Variants in MIER1 observed in about 807,000 individuals in gnomAD.
The protein encoded by MIER1 is MIER1 transcriptional regulator, also known as mesoderm induction early response protein 1.
MIER1 carries 40 observed loss-of-function variants against 75.7 expected under a neutral mutation model. The observed-to-expected ratio is 0.53, with a 90% CI of 0.41 to 0.69. The LOEUF (loss-of-function observed/expected upper bound fraction) is 0.69. Among genes scored for constraint, MIER1 ranks in the 30% least tolerant of loss-of-function variants. MIER1 has a pLI of 0.00. For missense variants in MIER1, 574 were observed against 680.2 expected (o/e 0.84, Z 1.74); for synonymous variants, 213 against 223.4 (o/e 0.95, Z 0.42).
intron 2 of MIER1, among the ~76,000 whole-genome samples, chr1:66,936,069 G>T (rs887407206): frequency 6.6e-6 from 1 of 152,058 alleles, no homozygotes; most frequent in African/African-American, 2.4e-5. Flanking sequence ...ATGATCTCCA[G>T]TGTGGTTGAC....
rs1437599028 is a variant in MIER1, at chr1:66,984,946, TA to T, written c.*50del. ...TCTTTGGAGTAAATTCTGGTGTGAC[TA>T]AAATTTTCAGGGTTGATGGGTTACC... On this transcript the variant is annotated 3_prime_UTR_variant, in exon 14 of 14. Transcript: ENST00000401041. 2.0e-6 allele frequency: 3 copies of T among 1,519,018 alleles called. No individual in the cohort carries two copies. The highest frequency in any genetic ancestry group is 2.8e-5 in the African/African-American group (2 of 71,460). The allele number at this position is 1,519,018 out of a possible 1,614,324, so 94.1% of individuals were successfully genotyped here. A position where few individuals can be genotyped will look rare whatever the true frequency, so the allele number is the denominator to read the frequency against.
intron 8 of MIER1, among the ~76,000 whole-genome samples, chr1:66,964,745 C>T (rs570721840): frequency 5.3e-5 from 8 of 152,286 alleles, no homozygotes; most frequent in African/African-American, 1.9e-4. Context: ...AGCCACTGCA[C>T]CTGGCCGTAT....
At chr1:66,947,801 C>A in intron 4 of MIER1, 1 of 401,934 alleles carries the variant, frequency 2.5e-6, no homozygotes, top group Non-Finnish European at 3.4e-6. Flanking sequence ...ACCCATGTAT[C>A]ACACTACCTC....
intron 3 of MIER1, among the ~76,000 whole-genome samples, chr1:66,941,989 A>T (rs1014891157): frequency 6.9e-6 from 1 of 145,390 alleles, no homozygotes; most frequent in Non-Finnish European, 1.5e-5. Context: ...AAAAAAAAAC[A>T]GTCTTTGATA....
chr1:66,977,248 T>G (rs1664902888), intron 12 of MIER1, among the ~76,000 whole-genome samples: 1 of 152,134 alleles, frequency 6.6e-6, no homozygotes, highest in Non-Finnish European at 1.5e-5. Context: ...TAGCTGGGAT[T>G]ACAGGTGCCT....
At chr1:66,936,998 C>CAA (rs751644771) in intron 2 of MIER1, among the ~76,000 whole-genome samples, 558 of 66,678 alleles carry the variant, frequency 8.4e-3, no homozygotes, top group Non-Finnish European at 0.01. Context: ...GACTCCATCT[C>CAA]AAAAAAAAAA....
intron 2 of MIER1, 94 bp from the exon 3 acceptor site, chr1:66,939,934 T>A (rs1655787445): frequency 5.2e-6 from 5 of 956,166 alleles, no homozygotes; most frequent in Non-Finnish European, 8.2e-6. Context: ...ACTGTAGTTT[T>A]TGGCATCATA....
chr1:66,930,002 G>A (rs1247052946), intron 2 of MIER1, among the ~76,000 whole-genome samples: 1 of 152,204 alleles, frequency 6.6e-6, no homozygotes. Context: ...TCTCTGATCC[G>A]TAGACAACCC....
chr1:66,939,858 T>C (rs1242345695), intron 2 of MIER1, among the ~76,000 whole-genome samples, 170 bp from the exon 3 acceptor site: 3 of 152,176 alleles, frequency 2.0e-5, no homozygotes, highest in Non-Finnish European at 4.4e-5. Context: ...GAAGGGATTA[T>C]ATGGGAAGTT....
chr1:66,930,141 G>A (rs1570030449), intron 2 of MIER1: 2 of 1,110,028 alleles, frequency 1.8e-6, no homozygotes, highest in South Asian at 3.9e-5. Context: ...GGGGCCGCGC[G>A]CGCGCCCCTG....
At chr1:66,953,000 A>C (rs1659320660) in intron 4 of MIER1, among the ~76,000 whole-genome samples, 1 of 152,142 alleles carries the variant, frequency 6.6e-6, no homozygotes, top group South Asian at 2.1e-4. Context: ...TAGGTCTCCC[A>C]CATTTACTAC....
chr1:66,982,205 G>A (rs1033466791), intron 13 of MIER1, among the ~76,000 whole-genome samples: 4 of 152,092 alleles, frequency 2.6e-5, no homozygotes, highest in African/African-American at 9.7e-5. Context: ...GTCTAGTTGG[G>A]TTGATGCCTA....
In MIER1 at chr1:66,976,730, A is replaced by C; in HGVS notation, c.1229+8A>C. 6.4e-7 allele frequency: 1 copy of C among 1,571,082 alleles called. No individual in the cohort carries two copies. The highest frequency in any genetic ancestry group is 1.2e-5 in the South Asian group (1 of 83,874). The stretch of plus-strand genomic sequence containing the variant: ...TCTTCATCCTGGTGTAACGTGAGTT[A>C]ATTTTTTCCTTAAGAGCTATATATA... On this transcript the variant is annotated splice_region_variant and intron_variant, in intron 12 of 13. Coordinates refer to ENST00000401041, the MANE Select transcript of MIER1 (RefSeq NM_001077700.3).
At chr1:66,930,119 A>C in intron 2 of MIER1, 7 of 917,820 alleles carry the variant, frequency 7.6e-6, no homozygotes, top group Non-Finnish European at 5.6e-6. Context: ...CTTCCCGGGG[A>C]GGGCTGGCCG....
At position 66,976,606 on chromosome 1, in the gene MIER1, G is replaced by A. The variant is rs926953227; in HGVS notation, c.1113G>A (p.Arg371=). Residue 371 remains arginine, a synonymous_variant, in exon 12 of 14, where the codon AGG becomes AGA. Coordinates refer to ENST00000401041, the MANE Select transcript of MIER1 (RefSeq NM_001077700.3). ...TTTGTTTCTTACAGGTCCGAACAAG[G>A]TCAGTTGGTGAATGTGTAGCATTCT... ...HLIQANKVRT[R]SVGECVAFYY... is the part of the protein sequence containing the mutation. The A allele has an allele frequency of 6.3e-7, 1 of 1,592,060 alleles. No homozygotes were observed. The highest frequency in any genetic ancestry group is 1.4e-5 in the African/African-American group (1 of 73,886).
At chr1:66,971,101 T>TA in intron 9 of MIER1, 142 bp downstream of exon 9, 1 of 722,236 alleles carries the variant, frequency 1.4e-6, no homozygotes, top group East Asian at 3.3e-5. Flanking sequence ...CCCTGTAAGA[T>TA]ATCCGTTGTT....
intron 2 of MIER1, among the ~76,000 whole-genome samples, chr1:66,934,342 T>G (rs1457089529): frequency 6.6e-6 from 1 of 152,150 alleles, no homozygotes; most frequent in Non-Finnish European, 1.5e-5. Context: ...TGGCACAGTT[T>G]AGACTGGAAC....
At chr1:66,925,146 T>G (rs1651188032) in intron 1 of MIER1, 51 bp downstream of exon 1, 1 of 1,538,070 alleles carries the variant, frequency 6.5e-7, no homozygotes, top group South Asian at 1.2e-5. Context: ...CAGTTTGGGA[T>G]GAGGGGCTCC....
intron 13 of MIER1, 151 bp downstream of exon 13, chr1:66,982,069 A>G: frequency 1.5e-6 from 1 of 688,832 alleles, no homozygotes; most frequent in Non-Finnish European, 2.4e-6. Context: ...CAGCATACAT[A>G]TATACTAACA....
Sources: gnomAD v4.1 joint callset for allele counts (sites outside exome capture counted in the v4.1 genomes callset) on GRCh38, gnomAD v4.1.1 for gene constraint, MANE v1.5 for transcripts, NCBI Gene and HGNC (gene_info 2026-07-23, HGNC 2026-07-21) for gene names.